The following SCHIP1 variants were observed in gnomAD, a reference collection of about 807,000 sequenced individuals.
SCHIP1 encodes the protein schwannomin interacting protein 1.
SCHIP1 carries 8 observed loss-of-function variants against 29.7 expected under a neutral mutation model. The observed-to-expected ratio is 0.27, with a 90% confidence interval of 0.16 to 0.49. The LOEUF (loss-of-function observed/expected upper bound fraction) is 0.49. Among genes scored for constraint, SCHIP1 ranks in the 20% least tolerant of loss-of-function variants. SCHIP1 has a pLI of 0.99. For missense variants in SCHIP1, 193 were observed against 294.6 expected (o/e 0.66, Z 2.52); for synonymous variants, 76 against 94.9 (o/e 0.80, Z 1.16).
the SCHIP1 span, among the ~76,000 whole-genome samples, chr3:159,821,485 CATGG>C: frequency 4.8e-3 from 733 of 152,260 alleles, 3 homozygotes; most frequent in Non-Finnish European, 7.0e-3. Context: ...TGCCTGATAC[CATGG>C]ATAGTACTGA....
At chr3:159,284,140 GA>G in the SCHIP1 span, among the ~76,000 whole-genome samples, 2 of 151,936 alleles carry the variant, frequency 1.3e-5, no homozygotes, top group Non-Finnish European at 2.9e-5. Flanking sequence ...TTGAAAGTTT[GA>G]AAAAAATTCT....
At chr3:159,864,470 T>TACACACACACAC (rs58371525) in intron 1 of SCHIP1, among the ~76,000 whole-genome samples, 4,347 of 139,828 alleles carry the variant, frequency 0.031, 94 homozygotes, top group Middle Eastern at 0.086. Flanking sequence ...ATGGCTGTAC[T>TACACACACACAC]ACACACACAC....
At chr3:159,491,914 C>A in the SCHIP1 span, among the ~76,000 whole-genome samples, 1 of 152,148 alleles carries the variant, frequency 6.6e-6, no homozygotes, top group Non-Finnish European at 1.5e-5. Context: ...TCCAGAGGAA[C>A]GATCAGGCAG....
chr3:159,658,805 G>A, the SCHIP1 span, among the ~76,000 whole-genome samples: 17 of 152,210 alleles, frequency 1.1e-4, no homozygotes, highest in Admixed American at 7.9e-4. Context: ...GCCCAAAACT[G>A]AATCTCTAAT....
the SCHIP1 span, among the ~76,000 whole-genome samples, chr3:159,490,396 C>T: frequency 3.3e-5 from 5 of 152,218 alleles, no homozygotes; most frequent in African/African-American, 9.6e-5. Flanking sequence ...TTCAAATAAC[C>T]AGGTTCTGTG....
At chr3:159,665,979 G>A in the SCHIP1 span, among the ~76,000 whole-genome samples, 1 of 152,122 alleles carries the variant, frequency 6.6e-6, no homozygotes, top group African/African-American at 2.4e-5. Context: ...ACTCTGCAGA[G>A]GGAAAAGCTC....
rs540535493 is a variant in SCHIP1 at position 159,841,421 on chromosome 3, G to T, written c.30+1207G>T. Reference sequence around the variant, plus strand: ...TTTCCACGAGAAAGGGGTCAGAGATGCTGAGAAAAAAACCAACATGTCACT... The same window carrying T: ...TTTCCACGAGAAAGGGGTCAGAGATTCTGAGAAAAAAACCAACATGTCACT... On this transcript the variant is annotated intron_variant, in intron 1 of 6. Transcript: ENST00000445224. Among the ~76,000 whole-genome samples the T allele has an allele frequency of 1.4e-4, 22 of 152,260 alleles. No individual in the cohort carries two copies. In the South Asian group the frequency reaches 3.5e-3, roughly 24 times the overall value.
At chr3:159,363,373 T>C in the SCHIP1 span, among the ~76,000 whole-genome samples, 1 of 152,164 alleles carries the variant, frequency 6.6e-6, no homozygotes, top group Non-Finnish European at 1.5e-5. Context: ...GAGTGAAATA[T>C]GGATAGAAAG....
the SCHIP1 span, among the ~76,000 whole-genome samples, chr3:159,728,973 A>G: frequency 6.6e-6 from 1 of 152,112 alleles, no homozygotes. Context: ...AACATAGTGA[A>G]ACCCCATCTC....
chr3:159,838,091 G>A (rs568416751), upstream of SCHIP1, among the ~76,000 whole-genome samples: 4 of 152,278 alleles, frequency 2.6e-5, no homozygotes, highest in African/African-American at 9.6e-5. Context: ...GATACCAGGA[G>A]TTGAGTTTTC....
At chr3:159,765,265 C>T in the SCHIP1 span, 3 of 1,153,130 alleles carry the variant, frequency 2.6e-6, no homozygotes, top group Non-Finnish European at 3.5e-6. Context: ...AGGGTGGGGG[C>T]CAGGCCAGAG....
At chr3:159,709,527 C>T in the SCHIP1 span, among the ~76,000 whole-genome samples, 1 of 152,146 alleles carries the variant, frequency 6.6e-6, no homozygotes, top group Admixed American at 6.5e-5. Flanking sequence ...TAATTATTTG[C>T]TTCCCAAAAA....
At chr3:159,535,968 G>C in the SCHIP1 span, among the ~76,000 whole-genome samples, 1 of 152,068 alleles carries the variant, frequency 6.6e-6, no homozygotes, top group South Asian at 2.1e-4. Context: ...TATGCAGCAT[G>C]GTAGCTATTA....
chr3:159,761,415 A>C, the SCHIP1 span, among the ~76,000 whole-genome samples: 2 of 152,222 alleles, frequency 1.3e-5, no homozygotes, highest in Non-Finnish European at 2.9e-5. Flanking sequence ...GTTTCAAGAG[A>C]CAAATCTAAG....
At chr3:159,368,781 G>A in the SCHIP1 span, among the ~76,000 whole-genome samples, 1 of 152,204 alleles carries the variant, frequency 6.6e-6, no homozygotes, top group African/African-American at 2.4e-5. Flanking sequence ...AGGTCCAGTA[G>A]GGCTTGAGGC....
chr3:159,598,301 T>A, the SCHIP1 span, among the ~76,000 whole-genome samples: 1 of 152,078 alleles, frequency 6.6e-6, no homozygotes, highest in Non-Finnish European at 1.5e-5. Flanking sequence ...AAAGTCCAAG[T>A]CCAAAGTCTC....
the SCHIP1 span, among the ~76,000 whole-genome samples, chr3:159,774,724 T>C: frequency 6.6e-6 from 1 of 152,236 alleles, no homozygotes; most frequent in South Asian, 2.1e-4. Context: ...CCCATTTTTT[T>C]GCTTCCTCTA....
the SCHIP1 span, among the ~76,000 whole-genome samples, chr3:159,706,066 T>C: frequency 6.6e-6 from 1 of 152,138 alleles, no homozygotes. Context: ...GGAGCTTTCA[T>C]GGGAAGCTGA....
the SCHIP1 span, among the ~76,000 whole-genome samples, chr3:159,411,823 G>C: frequency 1.3e-5 from 2 of 152,116 alleles, no homozygotes; most frequent in South Asian, 2.1e-4. Flanking sequence ...AAGTCGCTTT[G>C]AGTTCTTAAA....
Sources: allele counts gnomAD v4.1 joint callset (sites outside exome capture counted in the v4.1 genomes callset), GRCh38; gene constraint gnomAD v4.1.1; transcripts MANE v1.5; gene names NCBI Gene and HGNC (gene_info 2026-07-23, HGNC 2026-07-21).